The following ESRRB variants were observed in gnomAD, a reference collection of about 807,000 sequenced individuals.
The protein encoded by ESRRB is steroid hormone receptor ERR2.
In ESRRB, 16 loss-of-function variants were observed where a neutral mutation model predicts 46.0. The ratio of observed to expected loss-of-function variants is 0.35; its 90% CI spans 0.24 to 0.53. The LOEUF is 0.53. Ranked by LOEUF, ESRRB falls within the 20% of genes least tolerant of loss-of-function variation. ESRRB has a pLI of 0.93. For synonymous variants in ESRRB, 246 were observed against 259.6 expected, an observed-to-expected ratio of 0.95 and a Z score of 0.50; for missense variants, 488 against 607.4, an observed-to-expected ratio of 0.80 and a Z score of 2.07.
rs992655613 is a variant in ESRRB at position 76,354,233 on chromosome 14, C to T, written c.2+43317C>T. Among the ~76,000 whole-genome samples the T allele has an allele frequency of 2.9e-5, 3 of 102,462 alleles. 1 individual carries two copies. The highest frequency in any genetic ancestry group is 5.7e-5 in the Non-Finnish European group (3 of 52,340). The allele number at this position is 102,462 out of a possible 152,430, so 67.2% of individuals were successfully genotyped here. ...CCAGGGTCCTCTACCCGCCCCCCCC[C>T]CCACCCACACTTCCACCCTCACCTC... is the stretch of plus-strand genomic sequence containing the variant. On this transcript the variant is annotated intron_variant, in intron 1 of 6. Coordinates refer to the ESRRB transcript ENST00000512784.
chr14:76,463,386 C>G (rs1443895032), intron 3 of ESRRB: 1 of 151,484 alleles, frequency 6.6e-6, no homozygotes, highest in African/African-American at 2.4e-5. Context: ...TGCAGAAAGG[C>G]TAATCTTCTG....
At chr14:76,385,005 C>T (rs1885163685) in intron 1 of ESRRB, among the ~76,000 whole-genome samples, 2 of 152,164 alleles carry the variant, frequency 1.3e-5, no homozygotes, top group African/African-American at 4.8e-5. Flanking sequence ...GAAGCCTGCT[C>T]ACCTACAGAC....
chr14:76,434,004 G>A (rs1487154508), intron 1 of ESRRB, among the ~76,000 whole-genome samples: 2 of 148,630 alleles, frequency 1.3e-5, no homozygotes, highest in Admixed American at 6.7e-5. Flanking sequence ...TGTCACCCAG[G>A]CTGGAGTGCA....
At position 76,482,902 on chromosome 14, in the gene ESRRB, T is replaced by C. The variant is rs1889865338; in HGVS notation, c.850+143T>C. 1 of 916,146 alleles carries C rather than the reference T, an allele frequency of 1.1e-6. No individual in the cohort carries two copies. Among genetic ancestry groups the C allele is most frequent in the Admixed American group, 2.0e-5 (1 of 51,154 alleles). 56.8% of individuals were successfully genotyped at this position (916,146 alleles called of 1,614,324 possible). A position where few individuals can be genotyped will look rare whatever the true frequency, so the allele number is the denominator to read the frequency against. The stretch of plus-strand genomic sequence containing the variant: ...TCCTGGCAGGCCTGTTTCTCTGAGC[T>C]CCTCTTCTCTCCTTGTAGCATTGGA... On this transcript the variant is annotated intron_variant, in intron 5 of 6. Coordinates refer to ENST00000644823, the MANE Select transcript of ESRRB (RefSeq NM_001379180.1). This position sits in a 1 kb window ranked among gnomAD's most constrained non-coding sequence, Gnocchi z 4.3.
At chr14:76,493,701 C>T (rs1890315634) in intron 6 of ESRRB, among the ~76,000 whole-genome samples, 2 of 152,228 alleles carry the variant, frequency 1.3e-5, no homozygotes, top group Non-Finnish European at 2.9e-5. Flanking sequence ...CCAGGAAACT[C>T]GTCAGTCCCT....
intron 1 of ESRRB, among the ~76,000 whole-genome samples, chr14:76,316,718 C>G (rs2139722414): frequency 6.6e-6 from 1 of 152,074 alleles, no homozygotes; most frequent in South Asian, 2.1e-4. Context: ...CTCTCTGTCC[C>G]TCTCTCCTGC....
chr14:76,356,972 A>G (rs534358279), intron 1 of ESRRB, among the ~76,000 whole-genome samples: 26 of 152,284 alleles, frequency 1.7e-4, no homozygotes, highest in Non-Finnish European at 3.7e-4. Flanking sequence ...TCCTCAGGGA[A>G]GGTTGACTCT....
At chr14:76,367,054 AAC>A (rs1370322600), upstream of ESRRB, among the ~76,000 whole-genome samples, 5 of 152,276 alleles carry the variant, frequency 3.3e-5, no homozygotes, top group African/African-American at 1.2e-4. Context: ...TCGTCTAGAA[AAC>A]AGAGACCTGG....
intron 1 of ESRRB, among the ~76,000 whole-genome samples, chr14:76,392,162 CTGA>C (rs1215990835): frequency 6.6e-6 from 1 of 152,204 alleles, no homozygotes; most frequent in Admixed American, 6.5e-5. Context: ...GCCCTGGCTG[CTGA>C]TATTTCAAGA....
At chr14:76,349,301 G>A (rs1457261577) in intron 1 of ESRRB, among the ~76,000 whole-genome samples, 1 of 152,184 alleles carries the variant, frequency 6.6e-6, no homozygotes, top group Non-Finnish European at 1.5e-5. Context: ...GTGCAAAGCG[G>A]GGATCACGAA....
chr14:76,449,640 C>A (rs539938346), intron 2 of ESRRB, among the ~76,000 whole-genome samples: 1 of 152,132 alleles, frequency 6.6e-6, no homozygotes, highest in South Asian at 2.1e-4. Context: ...CTTCTTAGGA[C>A]CATGTGTCTT....
At chr14:76,451,812 T>TTTA (rs1888393387) in intron 2 of ESRRB, among the ~76,000 whole-genome samples, 1 of 144,672 alleles carries the variant, frequency 6.9e-6, no homozygotes, top group Non-Finnish European at 1.5e-5. Context: ...TTTTTTTTTT[T>TTTA]AGTAAAGACA....
chr14:76,328,115 G>A (rs1883956946), intron 1 of ESRRB, among the ~76,000 whole-genome samples: 1 of 152,168 alleles, frequency 6.6e-6, no homozygotes, highest in African/African-American at 2.4e-5. Flanking sequence ...CCTCAAACAA[G>A]TAAGGAGTAC....
chr14:76,463,830 T>G (rs911563712), intron 3 of ESRRB, among the ~76,000 whole-genome samples: 1 of 152,166 alleles, frequency 6.6e-6, no homozygotes, highest in Non-Finnish European at 1.5e-5. Flanking sequence ...CCAGGTCTCC[T>G]CTTCCTCACT....
chr14:76,433,787 C>A (rs1355956622), intron 1 of ESRRB, among the ~76,000 whole-genome samples: 1 of 152,014 alleles, frequency 6.6e-6, no homozygotes, highest in Non-Finnish European at 1.5e-5. Flanking sequence ...GGGATACTTG[C>A]CCCTTCTCAC....
At position 76,500,023 on chromosome 14, in the gene ESRRB, G is replaced by C. The variant is rs759826581; in HGVS notation, c.*1565G>C. ...TCTAGTCCAACCCCCCTCAATGAGAGAGGCAGGCAGATCTCACCCAGCACT... is the reference window on the plus strand; with the variant it reads ...TCTAGTCCAACCCCCCTCAATGAGACAGGCAGGCAGATCTCACCCAGCACT... On this transcript the variant is annotated 3_prime_UTR_variant, in exon 7 of 7. Transcript: ENST00000644823. The C allele has an allele frequency of 1.3e-6, 2 of 1,558,918 alleles. No homozygotes were observed. The highest frequency in any genetic ancestry group is 2.4e-5 in the East Asian group (1 of 41,620).
intron 1 of ESRRB, among the ~76,000 whole-genome samples, chr14:76,377,684 C>A (rs977329352): frequency 1.3e-5 from 2 of 152,098 alleles, no homozygotes; most frequent in African/African-American, 4.8e-5. Flanking sequence ...CCCCAAGAAC[C>A]ACGACTACAT....
chr14:76,440,727 C>G (rs1275096430), intron 2 of ESRRB, among the ~76,000 whole-genome samples: 2 of 151,730 alleles, frequency 1.3e-5, no homozygotes, highest in African/African-American at 4.8e-5. Flanking sequence ...CTCTCTTTCT[C>G]TCTCTCTCTC....
At chr14:76,342,830 G>A (rs1299455795) in intron 1 of ESRRB, among the ~76,000 whole-genome samples, 1 of 152,198 alleles carries the variant, frequency 6.6e-6, no homozygotes, top group Non-Finnish European at 1.5e-5. Context: ...TCCATGCCAG[G>A]CATTGTGACA....
Sources: allele counts gnomAD v4.1 joint callset (sites outside exome capture counted in the v4.1 genomes callset), GRCh38; gene constraint gnomAD v4.1.1; non-coding constraint Gnocchi (gnomAD v3.1); transcripts MANE v1.5; gene names NCBI Gene and HGNC (gene_info 2026-07-23, HGNC 2026-07-21).